Variants in CASKIN1 observed in about 807,000 individuals in gnomAD.
CASKIN1 encodes the protein CASK interacting protein 1.
Under a neutral mutation model 117.5 loss-of-function variants are expected in CASKIN1, and 42 were observed. The ratio of observed to expected loss-of-function variants is 0.36; its 90% CI spans 0.28 to 0.46. The LOEUF is 0.46. Ranked by LOEUF, CASKIN1 falls within the 20% of genes least tolerant of loss-of-function variation. The pLI, the probability that CASKIN1 is intolerant of heterozygous loss-of-function variation, is 1.00. For missense variants in CASKIN1, 2,083 were observed against 2,077.3 expected, an observed-to-expected ratio of 1.00 and a Z score of -0.05; for synonymous variants, 1,148 against 961.7, an observed-to-expected ratio of 1.19 and a Z score of -3.59.
At chr16:2,190,434 C>T (rs1176775003) in intron 1 of CASKIN1, 76 bp from the exon 2 acceptor site, 2 of 1,296,380 alleles carry the variant, frequency 1.5e-6, no homozygotes, top group Non-Finnish European at 2.2e-6. Context: ...GGAGAGGGGG[C>T]CAGCCATCTC....
rs780257983 is a variant in CASKIN1, at chr16:2,192,696, C to T, written c.95-2338G>A. ...CCATCCGAAGTGACCCTGCCCGCCC[C>T]GCAGCTGCTGTGCCTGGCTCTGCAG... On this transcript the variant is annotated intron_variant, in intron 1 of 19. Coordinates refer to ENST00000343516, the MANE Select transcript of CASKIN1 (RefSeq NM_020764.4). 4.9e-4 allele frequency among the ~76,000 whole-genome samples: 74 copies of T among 152,310 alleles called. 2 individuals are homozygous for T. The highest frequency in any genetic ancestry group is 1.3e-4 in the Non-Finnish European group (9 of 68,022).
In CASKIN1 at chr16:2,182,038, C is replaced by G. The variant is rs1596687411; in HGVS notation, c.1630-109G>C. The G allele has an allele frequency of 4.0e-6, 6 of 1,502,650 alleles. No homozygotes were observed. The highest frequency in any genetic ancestry group is 1.4e-5 in the African/African-American group (1 of 72,948). 93.1% of individuals were successfully genotyped at this position (1,502,650 alleles called of 1,614,324 possible). Reference sequence around the variant, plus strand: ...ACCGGGCCAGCAGGGCACAGACAGACAGGAGGACAAACGGATAGGCCGAGG... The same window carrying G: ...ACCGGGCCAGCAGGGCACAGACAGAGAGGAGGACAAACGGATAGGCCGAGG... On this transcript the variant is annotated intron_variant, in intron 16 of 19. Coordinates refer to ENST00000343516, the MANE Select transcript of CASKIN1 (RefSeq NM_020764.4). The surrounding 1 kb of genome is among the most constrained non-coding windows in gnomAD (Gnocchi z 4.1).
At position 2,186,696 on chromosome 16, in the gene CASKIN1, G is replaced by A. The variant is rs560956044; in HGVS notation, c.1048+11C>T. The A allele has an allele frequency of 6.2e-7, 1 of 1,609,550 alleles. No individual in the cohort carries two copies. Among genetic ancestry groups the A allele is most frequent in the Non-Finnish European group, 8.5e-7 (1 of 1,177,314 alleles). ...GCTCCTGCCTGCCCCCCAGGGTGGG[G>A]TGGAACTTGCCTGCTCGCTTGACAA... On this transcript the variant is annotated intron_variant, in intron 10 of 19. Coordinates refer to ENST00000343516, the MANE Select transcript of CASKIN1 (RefSeq NM_020764.4).
chr16:2,196,441 C>A lies in CASKIN1; in HGVS notation c.-9G>T. 8.0e-7 allele frequency: 1 copy of A among 1,254,468 alleles called. No individual in the cohort carries two copies. Among genetic ancestry groups the A allele is most frequent in the Non-Finnish European group, 1.0e-6 (1 of 984,740 alleles). 77.7% of individuals were successfully genotyped at this position (1,254,468 alleles called of 1,614,324 possible). A position where few individuals can be genotyped will look rare whatever the true frequency, so the allele number is the denominator to read the frequency against. ...TCCTGCTCCTTCCCCATGGCGCGGC[C>A]GGGGCCGCAGCGACGCGGCTGCGCT... On this transcript the variant is annotated 5_prime_UTR_variant, in exon 1 of 20. Transcript: ENST00000343516. The surrounding 1 kb of genome is among the most constrained non-coding windows in gnomAD (Gnocchi z 5.7).
intron 16 of CASKIN1, among the ~76,000 whole-genome samples, chr16:2,183,132 G>A (rs947414048): frequency 7.9e-5 from 12 of 152,230 alleles, no homozygotes; most frequent in African/African-American, 2.7e-4. Context: ...TGCAGGTATC[G>A]CTGAGAATGG....
rs368022393 is a variant in CASKIN1 at position 2,185,337 on chromosome 16, C to T, written c.1120G>A (p.Glu374Lys). 3.1e-6 allele frequency: 5 copies of T among 1,610,036 alleles called. No homozygotes were observed. Among genetic ancestry groups the T allele is most frequent in the Non-Finnish European group, 4.2e-6 (5 of 1,177,728 alleles). ...AAAGGCTTCCTCAGCACCCAGATCT[C>T]CTCTGGGGGTGCAGAGGGTCCCGAT... The part of the protein sequence containing the change: ...SSSGPSAPPE[E>K]IWVLRKPFAG... Residue 374 changes from glutamate (E) to lysine (K), a missense_variant, in exon 11 of 20, where the codon GAG becomes AAG. Glu to Lys is a moderately conservative substitution (Grantham distance 56). This residue lies in a region of CASKIN1 where 1,818 missense variants were observed against 1,688.9 expected (regional missense o/e 1.08). Transcript: ENST00000343516.
In CASKIN1 at chr16:2,180,138, G is replaced by A; in HGVS notation, c.3230C>T (p.Ala1077Val). 1 of 1,555,094 alleles carries A rather than the reference G, an allele frequency of 6.4e-7. No homozygotes were observed. Among genetic ancestry groups the A allele is most frequent in the Non-Finnish European group, 8.7e-7 (1 of 1,150,280 alleles). Residue 1077 changes from alanine to valine, a missense_variant, in exon 18 of 20, where the codon GCC (alanine) becomes GTC (valine). Coordinates refer to ENST00000343516, the MANE Select transcript of CASKIN1 (RefSeq NM_020764.4). Reference sequence around the variant, plus strand: ...TGCCGACTCCCCAGGCCCCCGGCGGGCAGTGGCCAGAAGTCCGGTGACTGG... The same window carrying A: ...TGCCGACTCCCCAGGCCCCCGGCGGACAGTGGCCAGAAGTCCGGTGACTGG... The part of the protein sequence containing the change: ...SGPVTGLLAT[A>V]RRGPGESADP...
chr16:2,181,692 G>C, intron 17 of CASKIN1, 93 bp from the exon 18 acceptor site: 1 of 1,389,660 alleles, frequency 7.2e-7, no homozygotes. Context: ...TTGGGGCCCA[G>C]CTTGGGGCTG....
chr16:2,196,419 TG>T lies in CASKIN1; in HGVS notation c.13del (p.Gln5ArgfsTer7). On this transcript the variant is annotated frameshift_variant, in exon 1 of 20. Coordinates refer to ENST00000343516, the MANE Select transcript of CASKIN1 (RefSeq NM_020764.4). LOFTEE classifies it high-confidence loss of function. The surrounding 1 kb of genome is among the most constrained non-coding windows in gnomAD (Gnocchi z 5.7). MGKE[Q>X]ELVQAVKAED... ...CGCCTTCACCGCCTGCACCAGCTCC[TG>T]CTCCTTCCCCATGGCGCGGCCGGGG... is the stretch of plus-strand genomic sequence containing the variant. 7.6e-7 allele frequency: 1 copy of T among 1,319,354 alleles called. No homozygotes were observed. Among genetic ancestry groups the T allele is most frequent in the Non-Finnish European group, 9.8e-7 (1 of 1,020,198 alleles). 81.7% of individuals were successfully genotyped at this position (1,319,354 alleles called of 1,614,324 possible).
chr16:2,192,863 G>C (rs931806741), intron 1 of CASKIN1, among the ~76,000 whole-genome samples: 2 of 152,160 alleles, frequency 1.3e-5, no homozygotes, highest in South Asian at 4.1e-4. Context: ...ATGGTGCCCC[G>C]CGCAGCTGAG....
At position 2,180,629 on chromosome 16, in the gene CASKIN1, G is replaced by GC; in HGVS notation, c.2738dup (p.Val914ArgfsTer46). ...CCCTCACTGAGTGGCTGCGGCCCAC[G>GC]CGCCGCTGGACCGTGGCATAGGGGC... is the stretch of plus-strand genomic sequence containing the variant. On this transcript the variant is annotated frameshift_variant, in exon 18 of 20. Coordinates refer to ENST00000343516, the MANE Select transcript of CASKIN1 (RefSeq NM_020764.4). LOFTEE classifies it high-confidence loss of function. The GC allele has an allele frequency of 6.4e-7, 1 of 1,554,306 alleles. No individual in the cohort carries two copies.
intron 10 of CASKIN1, among the ~76,000 whole-genome samples, chr16:2,185,854 T>C (rs892777737): frequency 2.0e-5 from 3 of 152,256 alleles, no homozygotes; most frequent in East Asian, 1.9e-4. Flanking sequence ...CTTCACAGCC[T>C]GGGCCCCTGG....
rs565326712 is a variant in CASKIN1, at chr16:2,184,850, G to T, written c.1343C>A (p.Pro448His). The change falls in exon 14 of 20, where the codon CCT becomes CAT. Residue 448 changes from proline (P) to histidine (H), a missense_variant. By Grantham distance (77) the Pro-to-His change is moderately conservative. Coordinates refer to ENST00000343516, the MANE Select transcript of CASKIN1 (RefSeq NM_020764.4). ...GACCTGCCCGGCGTGGGCCACTGGA[G>T]GCTGGGACCGGGCCACACCTGAGGA... ...EGSAGVARSQPPVAHAGQVYG... is the reference protein window; with the variant it reads ...EGSAGVARSQHPVAHAGQVYG... 1.6e-5 allele frequency: 25 copies of T among 1,563,968 alleles called. No individual in the cohort carries two copies. Among genetic ancestry groups the T allele is most frequent in the Non-Finnish European group, 8.7e-7 (1 of 1,154,918 alleles).
At position 2,179,293 on chromosome 16, in the gene CASKIN1, C is replaced by T. The variant is rs904802856; in HGVS notation, c.3808G>A (p.Val1270Met). 1.6e-6 allele frequency: 2 copies of T among 1,226,052 alleles called. No individual in the cohort carries two copies. The highest frequency in any genetic ancestry group is 6.5e-5 in the East Asian group (2 of 30,600). 75.9% of individuals were successfully genotyped at this position (1,226,052 alleles called of 1,614,324 possible). The change falls in exon 19 of 20, where the codon GTG becomes ATG. Residue 1270 changes from valine (V) to methionine (M), a missense_variant. Coordinates refer to ENST00000343516, the MANE Select transcript of CASKIN1 (RefSeq NM_020764.4). The surrounding 1 kb of genome is among the most constrained non-coding windows in gnomAD (Gnocchi z 5.8). ...VKRAHGTPPP[V>M]SPKPPPPPTA... ...GGCGGCGGCGGCGGCTTGGGAGACA[C>T]GGGCGGTGGCGTGCCGTGGGCGCGC...
rs368241314 is a variant in CASKIN1 at position 2,180,965 on chromosome 16, C to A, written c.2403G>T (p.Thr801=). The A allele has an allele frequency of 4.1e-6, 6 of 1,467,354 alleles. No homozygotes were observed. In the African/African-American group the frequency reaches 4.4e-5, roughly 11 times the overall value. 90.9% of individuals were successfully genotyped at this position (1,467,354 alleles called of 1,614,324 possible). The change falls in exon 18 of 20, where the codon ACG becomes ACT. Residue 801 remains threonine, a synonymous_variant. Transcript: ENST00000343516. ...LGGPHGPAPA[T]AKVKPTPQLL... is the part of the protein sequence containing the mutation. ...GCTGCGGGGTGGGCTTCACCTTGGC[C>A]GTAGCTGGGGCTGGACCATGAGGTC...
At position 2,185,398 on chromosome 16, in the gene CASKIN1, T is replaced by C. The variant is rs770340198; in HGVS notation, c.1059A>G (p.Ala353=). 1.2e-6 allele frequency: 2 copies of C among 1,606,522 alleles called. No homozygotes were observed. Among genetic ancestry groups the C allele is most frequent in the South Asian group, 1.1e-5 (1 of 90,322 alleles). ...CCTGGGGCAGGCTTGGTTCAGTGCCTGCTCGGGAACCTGTGGGTCAAGCAA... is the reference window on the plus strand; with the variant it reads ...CCTGGGGCAGGCTTGGTTCAGTGCCCGCTCGGGAACCTGTGGGTCAAGCAA... ...EAIVKRAGSR[A]GTEPSLPQGS... The change falls in exon 11 of 20, where the codon GCA becomes GCG. Residue 353 remains alanine (A), a synonymous_variant. Transcript: ENST00000343516.
rs773809082 is a variant in CASKIN1 at position 2,181,613 on chromosome 16, A to AG, written c.1769-15dup. ...TCTTCTGGTGCCCTGAGTGGGGCGC[A>AG]GGGGGCAGGTCAGGTGGACCAGGAG... On this transcript the variant is annotated splice_polypyrimidine_tract_variant and intron_variant, in intron 17 of 19. Transcript: ENST00000343516. The AG allele has an allele frequency of 4.1e-6, 5 of 1,224,820 alleles. No homozygotes were observed. Among genetic ancestry groups the AG allele is most frequent in the East Asian group, 6.0e-5 (1 of 16,648 alleles). The allele number at this position is 1,224,820 out of a possible 1,614,324, so 75.9% of individuals were successfully genotyped here. A position where few individuals can be genotyped will look rare whatever the true frequency, so the allele number is the denominator to read the frequency against.
Position 2,177,767 on chromosome 16 carries a change from G to A in CASKIN1, c.*783C>T. On this transcript the variant is annotated 3_prime_UTR_variant, in exon 20 of 20. Coordinates refer to ENST00000343516, the MANE Select transcript of CASKIN1 (RefSeq NM_020764.4). Reference sequence around the variant, plus strand: ...CGCGCCCTGGGACGCAGCCACGCCAGGAGGAGGACACGGCCGCCGAGAGCA... The same window carrying A: ...CGCGCCCTGGGACGCAGCCACGCCAAGAGGAGGACACGGCCGCCGAGAGCA... 1 of 244,374 alleles carries A rather than the reference G, an allele frequency of 4.1e-6. No individual in the cohort carries two copies. The highest frequency in any genetic ancestry group is 8.1e-6 in the Non-Finnish European group (1 of 124,032). The allele number at this position is 244,374 out of a possible 1,614,324, so 15.1% of individuals were successfully genotyped here.
chr16:2,192,166 G>A (rs1451932420), intron 1 of CASKIN1, among the ~76,000 whole-genome samples: 1 of 152,184 alleles, frequency 6.6e-6, no homozygotes, highest in Non-Finnish European at 1.5e-5. Context: ...GGGCACGGAG[G>A]GGTGTGCCTG....
Sources: allele counts gnomAD v4.1 joint callset (sites outside exome capture counted in the v4.1 genomes callset), GRCh38; gene constraint gnomAD v4.1.1; regional missense constraint gnomAD v4.1.1; non-coding constraint Gnocchi (gnomAD v3.1); transcripts MANE v1.5; gene names NCBI Gene and HGNC (gene_info 2026-07-23, HGNC 2026-07-21).